NNT: variants seen among roughly 807,000 people sequenced by gnomAD.
NNT encodes nicotinamide nucleotide transhydrogenase, also known as NAD(P) transhydrogenase, mitochondrial.
Under a neutral mutation model 104.8 loss-of-function variants are expected in NNT, and 50 were observed. That is an observed-to-expected ratio of 0.48 (90% CI 0.38 to 0.60). The LOEUF (loss-of-function observed/expected upper bound fraction) is 0.60, where lower values mean the gene tolerates loss of function less well. Ranked by LOEUF, NNT falls within the 20% of genes least tolerant of loss-of-function variation. The pLI, the probability that NNT is intolerant of heterozygous loss-of-function variation, is 0.00. For missense variants in NNT, 1,131 were observed against 1,330.7 expected, an observed-to-expected ratio of 0.85 and a Z score of 2.33; for synonymous variants, 461 against 490.4, an observed-to-expected ratio of 0.94 and a Z score of 0.79.
intron 19 of NNT, 54 bp from the exon 20 acceptor site, chr5:43,700,065 C>T: frequency 1.4e-6 from 2 of 1,399,906 alleles, no homozygotes; most frequent in Non-Finnish European, 2.0e-6. Flanking sequence ...ATTGGGGTCT[C>T]TGTACATTAT....
At chr5:43,700,571 A>T (rs1211292944) in intron 20 of NNT, among the ~76,000 whole-genome samples, 1 of 152,112 alleles carries the variant, frequency 6.6e-6, no homozygotes, top group Non-Finnish European at 1.5e-5. Context: ...TTGTTACCCA[A>T]CCTCAGGCTC....
At chr5:43,611,996 G>A (rs910759111) in intron 2 of NNT, among the ~76,000 whole-genome samples, 1 of 152,160 alleles carries the variant, frequency 6.6e-6, no homozygotes, top group African/African-American at 2.4e-5. Flanking sequence ...TTCTTGGCAA[G>A]TGTGAGAGCC....
At chr5:43,616,116 A>G (rs1426734443) in intron 4 of NNT, 51 bp downstream of exon 4, 8 of 1,388,416 alleles carry the variant, frequency 5.8e-6, no homozygotes, top group Middle Eastern at 1.8e-4. Flanking sequence ...TGCTACAGAA[A>G]CCTTCACACT....
intron 19 of NNT, among the ~76,000 whole-genome samples, chr5:43,683,423 G>T (rs199601504): frequency 6.6e-6 from 1 of 152,196 alleles, no homozygotes. Context: ...GCTTTGTAAA[G>T]CCTCTTTTGG....
chr5:43,677,737 G>A lies in NNT; in HGVS notation c.2807G>A (p.Cys936Tyr). The A allele has an allele frequency of 6.2e-7, 1 of 1,613,484 alleles. No individual in the cohort carries two copies. The highest frequency in any genetic ancestry group is 1.7e-5 in the Admixed American group (1 of 60,012). ...SIIITPGYGL[C>Y]AAKAQYPIAD... Reference sequence around the variant, plus strand: ...ATGTTCCTTGCAGGCTATGGTCTCTGTGCAGCCAAAGCTCAATACCCCATT... The same window carrying A: ...ATGTTCCTTGCAGGCTATGGTCTCTATGCAGCCAAAGCTCAATACCCCATT... Residue 936 changes from cysteine (C) to tyrosine (Y), a missense_variant, in exon 19 of 22, where the codon TGT becomes TAT. Transcript: ENST00000344920.
chr5:43,676,642 C>T (rs1218150546), intron 18 of NNT, among the ~76,000 whole-genome samples: 2 of 152,142 alleles, frequency 1.3e-5, no homozygotes, highest in African/African-American at 4.8e-5. Flanking sequence ...TAGCATTGGT[C>T]TTACCTATTG....
intron 3 of NNT, among the ~76,000 whole-genome samples, chr5:43,615,491 C>T (rs1749739247): frequency 1.3e-5 from 2 of 152,212 alleles, no homozygotes; most frequent in South Asian, 4.1e-4. Flanking sequence ...TCTGTTTATT[C>T]TAATATCTGT....
At position 43,649,007 on chromosome 5, in the gene NNT, T is replaced by C. The variant is rs531710095; in HGVS notation, c.1445-140T>C. ...ATCCCCCCACTTCTCAACTGTCAAA[T>C]GTCTAAAAAATCTGCTCATTACTGG... is the stretch of plus-strand genomic sequence containing the variant. On this transcript the variant is annotated intron_variant, in intron 10 of 21. Coordinates refer to ENST00000344920, the MANE Select transcript of NNT (RefSeq NM_182977.3). The C allele has an allele frequency of 3.0e-5, 29 of 963,516 alleles. No homozygotes were observed. The South Asian group carries it at 4.4e-4, about 15-fold the overall frequency. The allele number at this position is 963,516 out of a possible 1,614,324, so 59.7% of individuals were successfully genotyped here. A position where few individuals can be genotyped will look rare whatever the true frequency, so the allele number is the denominator to read the frequency against.
chr5:43,656,985 G>C (rs1257552913), intron 16 of NNT, among the ~76,000 whole-genome samples, 172 bp downstream of exon 16: 1 of 152,176 alleles, frequency 6.6e-6, no homozygotes, highest in Non-Finnish European at 1.5e-5. Context: ...GAAGAGTGTA[G>C]GAAGAACATT....
intron 17 of NNT, among the ~76,000 whole-genome samples, chr5:43,672,980 A>G (rs936971544): frequency 6.6e-6 from 1 of 152,164 alleles, no homozygotes; most frequent in East Asian, 1.9e-4. Flanking sequence ...AGGCTCAGCA[A>G]TGGTGGGCGT....
chr5:43,659,743 A>G (rs964142981), intron 17 of NNT, among the ~76,000 whole-genome samples: 1 of 152,122 alleles, frequency 6.6e-6, no homozygotes, highest in African/African-American at 2.4e-5. Flanking sequence ...AAAAAAAAAG[A>G]GTATGGTAGC....
chr5:43,628,938 T>C (rs1436080009), intron 7 of NNT, among the ~76,000 whole-genome samples: 2 of 151,952 alleles, frequency 1.3e-5, no homozygotes, highest in African/African-American at 2.4e-5. Flanking sequence ...GTACAATGTT[T>C]TTTTTTTTTT....
At chr5:43,699,546 G>T (rs1742742311) in intron 19 of NNT, among the ~76,000 whole-genome samples, 1 of 151,858 alleles carries the variant, frequency 6.6e-6, no homozygotes, top group Non-Finnish European at 1.5e-5. Context: ...TAGAGATAGG[G>T]TTTCGCTATG....
intron 17 of NNT, among the ~76,000 whole-genome samples, chr5:43,668,844 G>A (rs1344956435): frequency 6.6e-6 from 1 of 152,142 alleles, no homozygotes; most frequent in Admixed American, 6.5e-5. Context: ...GATGGGGATG[G>A]CATTGAATCT....
At chr5:43,654,668 A>G (rs1310600228) in intron 14 of NNT, among the ~76,000 whole-genome samples, 1 of 152,254 alleles carries the variant, frequency 6.6e-6, no homozygotes, top group Non-Finnish European at 1.5e-5. Context: ...CAATTTGTCT[A>G]CATGGAATTT....
chr5:43,680,150 T>G (rs1052197092), intron 19 of NNT, among the ~76,000 whole-genome samples: 4 of 152,182 alleles, frequency 2.6e-5, no homozygotes, highest in Non-Finnish European at 5.9e-5. Flanking sequence ...TGAATTTTTT[T>G]TATTGAAAGA....
chr5:43,655,151 G>A (rs962630273), intron 14 of NNT, among the ~76,000 whole-genome samples: 3 of 152,182 alleles, frequency 2.0e-5, no homozygotes, highest in African/African-American at 7.2e-5. Context: ...ACTGGCTATA[G>A]AGAAGAGGGC....
intron 19 of NNT, among the ~76,000 whole-genome samples, chr5:43,691,631 G>A (rs1191872085): frequency 6.6e-6 from 1 of 152,156 alleles, no homozygotes; most frequent in Admixed American, 6.5e-5. Context: ...ATACAACTTG[G>A]CATTAACTTT....
At chr5:43,636,460 T>TTTTA (rs2111763555) in intron 7 of NNT, among the ~76,000 whole-genome samples, 1 of 152,318 alleles carries the variant, frequency 6.6e-6, no homozygotes, top group Admixed American at 6.5e-5. Flanking sequence ...AAGATATCCA[T>TTTTA]TTTATTAAGG....
Sources: gnomAD v4.1 joint callset for allele counts (sites outside exome capture counted in the v4.1 genomes callset) on GRCh38, gnomAD v4.1.1 for gene constraint, MANE v1.5 for transcripts, NCBI Gene and HGNC (gene_info 2026-07-23, HGNC 2026-07-21) for gene names.